SDK1: variants seen among roughly 807,000 people sequenced by gnomAD.
The protein encoded by SDK1 is sidekick cell adhesion molecule 1.
Under a neutral mutation model 245.5 loss-of-function variants are expected in SDK1, and 157 were observed. The observed-to-expected ratio is 0.64, with a 90% CI of 0.56 to 0.73. The LOEUF is 0.73. Ranked by LOEUF, SDK1 falls within the 30% of genes least tolerant of loss-of-function variation. The pLI, the probability that SDK1 is intolerant of heterozygous loss-of-function variation, is 0.00. For synonymous variants in SDK1, 1,647 were observed against 1,278.5 expected (o/e 1.29, Z -6.15); for missense variants, 3,583 against 3,002.3 (o/e 1.19, Z -4.52).
chr7:3,763,587 T>A (rs1031549713), intron 4 of SDK1, among the ~76,000 whole-genome samples: 2 of 152,230 alleles, frequency 1.3e-5, no homozygotes, highest in Non-Finnish European at 2.9e-5. Flanking sequence ...TGTGTTTACT[T>A]GTTAAGCTAA....
chr7:4,259,877 C>G (rs1040067214), intron 44 of SDK1, among the ~76,000 whole-genome samples: 2 of 152,180 alleles, frequency 1.3e-5, no homozygotes, highest in Non-Finnish European at 2.9e-5. Flanking sequence ...GGTTGGGGAG[C>G]TCAGGTGCAG....
intron 5 of SDK1, among the ~76,000 whole-genome samples, chr7:3,941,515 C>T (rs1034045289): frequency 3.3e-5 from 5 of 152,116 alleles, no homozygotes; most frequent in African/African-American, 4.8e-5. Flanking sequence ...ATGGGCCAAA[C>T]GGGTTCCCTC....
At chr7:3,668,687 A>G (rs1051356120) in intron 4 of SDK1, among the ~76,000 whole-genome samples, 1 of 152,232 alleles carries the variant, frequency 6.6e-6, no homozygotes, top group South Asian at 2.1e-4. Flanking sequence ...CCTACTCGGG[A>G]GGCTGAGGCA....
intron 1 of SDK1, among the ~76,000 whole-genome samples, chr7:3,411,075 A>T (rs1388354615): frequency 2.6e-5 from 4 of 152,182 alleles, no homozygotes; most frequent in Non-Finnish European, 5.9e-5. Flanking sequence ...AATCATCATT[A>T]TAAGAAAGAA....
Position 4,006,802 on chromosome 7 carries a change from C to G in SDK1, c.2132-4164C>G, listed in dbSNP as rs73298917. 7.0e-3 allele frequency among the ~76,000 whole-genome samples: 1,065 copies of G among 152,286 alleles called. 14 individuals carry two copies. The highest frequency in any genetic ancestry group is 0.024 in the African/African-American group (1,015 of 41,552). On this transcript the variant is annotated intron_variant, in intron 14 of 44. Transcript: ENST00000404826. ...TAATAGGCCCTGTTGTCAAATCAAA[C>G]CAGGCAGCAGACTCTGAACCCTGAG...
At chr7:3,766,570 G>C (rs1469660795) in intron 4 of SDK1, among the ~76,000 whole-genome samples, 2 of 152,146 alleles carry the variant, frequency 1.3e-5, no homozygotes, top group Admixed American at 6.5e-5. Flanking sequence ...AATATAACGT[G>C]AGATACTTAG....
chr7:3,774,315 A>G lies in SDK1; in HGVS notation c.714-47135A>G, dbSNP rs942858562. On this transcript the variant is annotated intron_variant, in intron 4 of 44. Coordinates refer to ENST00000404826, the MANE Select transcript of SDK1 (RefSeq NM_152744.4). ...CAACAGTGGGGGAAGGTGCAGCAACAGCGGCCACTGGCCTCTTTGTCTGCA... is the reference window on the plus strand; with the variant it reads ...CAACAGTGGGGGAAGGTGCAGCAACGGCGGCCACTGGCCTCTTTGTCTGCA... 2.0e-5 allele frequency among the ~76,000 whole-genome samples: 3 copies of G among 152,252 alleles called. 1 individual carries two copies. In the South Asian group the frequency reaches 6.2e-4, roughly 32 times the overall value.
At chr7:3,952,654 G>T (rs1488816584) in intron 7 of SDK1, among the ~76,000 whole-genome samples, 1 of 151,132 alleles carries the variant, frequency 6.6e-6, no homozygotes, top group Non-Finnish European at 1.5e-5. Flanking sequence ...TGACCTAGCA[G>T]AAAATGTAAA....
intron 16 of SDK1, among the ~76,000 whole-genome samples, chr7:4,015,220 A>C (rs1043059097): frequency 4.6e-5 from 7 of 152,146 alleles, no homozygotes; most frequent in African/African-American, 1.7e-4. Context: ...AATTTTCCCA[A>C]CACCACCCAG....
intron 1 of SDK1, among the ~76,000 whole-genome samples, chr7:3,400,237 C>G (rs938993607): frequency 1.3e-5 from 2 of 152,076 alleles, no homozygotes; most frequent in Admixed American, 6.6e-5. Flanking sequence ...ATGCCATGAA[C>G]CAAGCCTTTC....
At chr7:4,037,881 T>C (rs1322790847) in intron 17 of SDK1, among the ~76,000 whole-genome samples, 1 of 152,234 alleles carries the variant, frequency 6.6e-6, no homozygotes. Flanking sequence ...TTTACCATCA[T>C]TGGTATCCAA....
chr7:4,136,001 G>A (rs1779059245), intron 28 of SDK1, among the ~76,000 whole-genome samples: 1 of 152,172 alleles, frequency 6.6e-6, no homozygotes, highest in African/African-American at 2.4e-5. Flanking sequence ...GGCTGCTTGG[G>A]TTACAGAGTG....
chr7:3,330,135 G>T (rs1417194577), intron 1 of SDK1, among the ~76,000 whole-genome samples: 5 of 151,904 alleles, frequency 3.3e-5, no homozygotes, highest in Non-Finnish European at 7.4e-5. Context: ...TTCACTTTCT[G>T]GTGTCTGTGA....
At chr7:3,489,509 A>G (rs1781804671) in intron 1 of SDK1, among the ~76,000 whole-genome samples, 1 of 152,152 alleles carries the variant, frequency 6.6e-6, no homozygotes, top group Non-Finnish European at 1.5e-5. Context: ...GCAGCCAGAC[A>G]TTGTGTTGTC....
chr7:4,064,963 A>G (rs1256450738), intron 19 of SDK1, among the ~76,000 whole-genome samples: 1 of 152,198 alleles, frequency 6.6e-6, no homozygotes, highest in African/African-American at 2.4e-5. Flanking sequence ...ATAAACATTC[A>G]GTTAAACAGA....
intron 14 of SDK1, among the ~76,000 whole-genome samples, chr7:3,990,647 C>T (rs1185409968): frequency 5.9e-5 from 9 of 152,192 alleles, no homozygotes; most frequent in African/African-American, 1.2e-4. Context: ...GCTGTCGCCT[C>T]GGGCTTCAGG....
At chr7:3,344,652 A>G (rs1583713164) in intron 1 of SDK1, among the ~76,000 whole-genome samples, 2 of 147,238 alleles carry the variant, frequency 1.4e-5, no homozygotes, top group African/African-American at 4.8e-5. Context: ...ATAGGTGGAT[A>G]TCGTGTTCTT....
intron 2 of SDK1, among the ~76,000 whole-genome samples, chr7:3,638,323 A>G (rs1782534169): frequency 6.6e-6 from 1 of 152,194 alleles, no homozygotes; most frequent in Admixed American, 6.5e-5. Flanking sequence ...TGCTATAAAG[A>G]CACGTGCACA....
intron 1 of SDK1, among the ~76,000 whole-genome samples, chr7:3,321,778 CTCCT>C (rs1186428883): frequency 0.087 from 4,351 of 50,264 alleles, 240 homozygotes; most frequent in Middle Eastern, 0.2. Flanking sequence ...TTCCTTCCTT[CTCCT>C]TCCTTCCTTC....
Sources: gnomAD v4.1 joint callset for allele counts (sites outside exome capture counted in the v4.1 genomes callset) on GRCh38, gnomAD v4.1.1 for gene constraint, MANE v1.5 for transcripts, NCBI Gene and HGNC (gene_info 2026-07-23, HGNC 2026-07-21) for gene names.